The following SRRM2 variants were observed in gnomAD, a reference collection of about 807,000 sequenced individuals.
The protein encoded by SRRM2 is serine/arginine repetitive matrix 2, also known as serine/arginine repetitive matrix protein 2.
Under a neutral mutation model 213.8 loss-of-function variants are expected in SRRM2, and 30 were observed. The observed-to-expected ratio is 0.14, with a 90% CI of 0.10 to 0.19. SRRM2 has a LOEUF of 0.19. Among genes scored for constraint, SRRM2 ranks in the 10% least tolerant of loss-of-function variants. The probability of loss-of-function intolerance (pLI) is 1.00; values close to 1 mark genes in which losing one functional copy is unlikely to be tolerated. For missense variants in SRRM2, 4,904 were observed against 3,647.0 expected (o/e 1.34, Z -8.88); for synonymous variants, 2,025 against 1,377.7 (o/e 1.47, Z -10.40).
rs1353290391 is a variant in SRRM2 at position 2,769,105 on chromosome 16, C to T, written c.7842C>T (p.Ser2614=). ...KRRSSSSSSS[S]SSSSSSSSSS... The stretch of plus-strand genomic sequence containing the variant: ...GCTCTAGCAGTTCCAGTTCCAGCTC[C>T]TCCTCTTCATCTTCCTCCTCCTCCT... The change falls in exon 12 of 15, where the codon TCC becomes TCT. Residue 2614 remains serine, a synonymous_variant. Transcript: ENST00000301740. 4 of 1,613,874 alleles carry T rather than the reference C, an allele frequency of 2.5e-6. No homozygotes were observed. Among genetic ancestry groups the T allele is most frequent in the East Asian group, 2.2e-5 (1 of 44,892 alleles).
At chr16:2,756,747 G>A (rs1596262361) in intron 2 of SRRM2, 141 bp downstream of exon 2, 1 of 1,223,600 alleles carries the variant, frequency 8.2e-7, no homozygotes, top group Non-Finnish European at 1.1e-6. Flanking sequence ...GAGCTCTAGA[G>A]AAGTGAAAAC....
chr16:2,760,472 T>C lies in SRRM2; in HGVS notation c.1005T>C (p.Tyr335=), dbSNP rs376005324. The part of the protein sequence containing the change: ...ETATKQPSSP[Y]EDKDKDKKEK... ...CTACGAAACAGCCTAGCAGCCCTTA[T>C]GAAGACAAAGATAAAGACAAGAAGG... is the stretch of plus-strand genomic sequence containing the variant. Residue 335 remains tyrosine (Y), a synonymous_variant, in exon 10 of 15, where the codon TAT becomes TAC. Coordinates refer to ENST00000301740, the MANE Select transcript of SRRM2 (RefSeq NM_016333.4). 17 of 1,614,182 alleles carry C rather than the reference T, an allele frequency of 1.1e-5. No individual in the cohort carries two copies. Among genetic ancestry groups the C allele is most frequent in the East Asian group, 6.7e-5 (3 of 44,886 alleles).
rs145894053 is a variant in SRRM2, at chr16:2,763,728, A to G, written c.3200A>G (p.His1067Arg). 4 of 1,614,022 alleles carry G rather than the reference A, an allele frequency of 2.5e-6. No individual in the cohort carries two copies. The highest frequency in any genetic ancestry group is 3.3e-5 in the Admixed American group (2 of 59,996). The stretch of plus-strand genomic sequence containing the variant: ...GGACAATCTCAAACTTCACCAGACC[A>G]CAGATCTGATACTTCAAGTCCAGAA... The part of the protein sequence containing the change: ...LKGQSQTSPD[H>R]RSDTSSPEVR... Residue 1067 changes from histidine (H) to arginine (R), a missense_variant, in exon 11 of 15, where the codon CAC (histidine) becomes CGC (arginine). Physicochemically the swap from His to Arg is conservative, Grantham distance 29. Transcript: ENST00000301740.
rs1290216855 is a variant in SRRM2 at position 2,762,424 on chromosome 16, A to G, written c.1896A>G (p.Arg632=). 5.0e-6 allele frequency: 8 copies of G among 1,613,774 alleles called. No homozygotes were observed. The highest frequency in any genetic ancestry group is 1.1e-5 in the South Asian group (1 of 91,070). ...RRRSRTRSPV[R]RRSRSRSPAR... The stretch of plus-strand genomic sequence containing the variant: ...GATCTAGGACCCGATCACCAGTACG[A>G]CGCAGGTCTCGTAGTAGATCACCAG... Residue 632 remains arginine, a synonymous_variant, in exon 11 of 15, where the codon CGA becomes CGG. Transcript: ENST00000301740.
rs760180582 is a variant in SRRM2 at position 2,756,350 on chromosome 16, C to T, written c.-15C>T. On this transcript the variant is annotated 5_prime_UTR_variant, in exon 2 of 15. Coordinates refer to ENST00000301740, the MANE Select transcript of SRRM2 (RefSeq NM_016333.4). ...CCCCCTCAGGAGCGGTGGTGCCCCCCCCGGGCACGGGGCCATGTACAACGG... is the reference window on the plus strand; with the variant it reads ...CCCCCTCAGGAGCGGTGGTGCCCCCTCCGGGCACGGGGCCATGTACAACGG... 6.3e-7 allele frequency: 1 copy of T among 1,588,470 alleles called. No individual in the cohort carries two copies. The highest frequency in any genetic ancestry group is 2.3e-5 in the East Asian group (1 of 44,118).
Position 2,763,430 on chromosome 16 carries a change from A to C in SRRM2, c.2902A>C (p.Ser968Arg). Reference sequence around the variant, plus strand: ...GGAATCCAGATTGTTGCCAAGATACAGTCATTCTGGGTCCTCCTCACCAGA... The same window carrying C: ...GGAATCCAGATTGTTGCCAAGATACCGTCATTCTGGGTCCTCCTCACCAGA... ...NVESRLLPRY[S>R]HSGSSSPDTK... Residue 968 changes from serine to arginine, a missense_variant, in exon 11 of 15, where the codon AGT (serine) becomes CGT (arginine). Physicochemically the swap from Ser to Arg is moderately radical, Grantham distance 110. Coordinates refer to ENST00000301740, the MANE Select transcript of SRRM2 (RefSeq NM_016333.4). 6.2e-7 allele frequency: 1 copy of C among 1,614,256 alleles called. No homozygotes were observed. The highest frequency in any genetic ancestry group is 1.1e-5 in the South Asian group (1 of 91,086).
Position 2,756,397 on chromosome 16 carries a change from G to A in SRRM2, c.33G>A (p.Arg11=). The A allele has an allele frequency of 6.2e-7, 1 of 1,608,986 alleles. No homozygotes were observed. The highest frequency in any genetic ancestry group is 8.5e-7 in the Non-Finnish European group (1 of 1,178,306). ...ACGGGATCGGGCTGCCGACGCCCCG[G>A]GGCAGCGGCACCAACGGCTACGTCC... MYNGIGLPTP[R]GSGTNGYVQR... The change falls in exon 2 of 15, where the codon CGG becomes CGA. Residue 11 remains arginine (R), a synonymous_variant. Transcript: ENST00000301740.
Position 2,764,433 on chromosome 16 carries a change from C to T in SRRM2, c.3905C>T (p.Ala1302Val), listed in dbSNP as rs139940019. The change falls in exon 11 of 15, where the codon GCC becomes GTC. Residue 1302 changes from alanine (A) to valine (V), a missense_variant. Physicochemically the swap from Ala to Val is moderately conservative, Grantham distance 64 (BLOSUM62 0). Coordinates refer to ENST00000301740, the MANE Select transcript of SRRM2 (RefSeq NM_016333.4). ...SLEAVEVPSM[A>V]SSWGGPHFSP... ...GAAGCAGTAGAAGTCCCTTCAATGG[C>T]CTCATCTTGGGGTGGGCCACATTTT... 46 of 1,612,834 alleles carry T rather than the reference C, an allele frequency of 2.9e-5. No individual in the cohort carries two copies. Among genetic ancestry groups the T allele is most frequent in the Non-Finnish European group, 3.7e-5 (44 of 1,179,650 alleles).
Position 2,759,585 on chromosome 16 carries a change from C to G in SRRM2, c.757C>G (p.Pro253Ala). 2 of 1,614,152 alleles carry G rather than the reference C, an allele frequency of 1.2e-6. No individual in the cohort carries two copies. Among genetic ancestry groups the G allele is most frequent in the Non-Finnish European group, 1.7e-6 (2 of 1,180,024 alleles). Residue 253 changes from proline (P) to alanine (A), a missense_variant, in exon 9 of 15, where the codon CCA (proline) becomes GCA (alanine). Coordinates refer to ENST00000301740, the MANE Select transcript of SRRM2 (RefSeq NM_016333.4). ...TTCCTTCAGGTCTCGAAGTACAACACCAGCCCCCAAGAGCCGCCGGGCCCA... is the reference window on the plus strand; with the variant it reads ...TTCCTTCAGGTCTCGAAGTACAACAGCAGCCCCCAAGAGCCGCCGGGCCCA... ...KKRKRSRSTT[P>A]APKSRRAHRS...
In SRRM2 at chr16:2,766,479, C is replaced by T; in HGVS notation, c.5951C>T (p.Ser1984Phe). 6.2e-7 allele frequency: 1 copy of T among 1,614,140 alleles called. No individual in the cohort carries two copies. Residue 1984 changes from serine to phenylalanine, a missense_variant, in exon 11 of 15, where the codon TCC becomes TTC. Transcript: ENST00000301740. This position sits in a 1 kb window ranked among gnomAD's most constrained non-coding sequence, Gnocchi z 7.0. ...TSPITRRRSR[S>F]RTSPVTRRRS... Reference sequence around the variant, plus strand: ...CCTATCACTCGCAGAAGATCAAGATCCAGAACATCTCCGGTCACCCGAAGG... The same window carrying T: ...CCTATCACTCGCAGAAGATCAAGATTCAGAACATCTCCGGTCACCCGAAGG...
chr16:2,765,810 G>T lies in SRRM2; in HGVS notation c.5282G>T (p.Arg1761Leu). 7 of 1,614,048 alleles carry T rather than the reference G, an allele frequency of 4.3e-6. No homozygotes were observed. Among genetic ancestry groups the T allele is most frequent in the Non-Finnish European group, 5.9e-6 (7 of 1,180,042 alleles). ...ACTAAGACAACCTCAAGGAGAGGCC[G>T]CTCTCCTTCGCCAAAGCCTCGTGGA... ...PRTKTTSRRGRSPSPKPRGLQ... is the reference protein window; with the variant it reads ...PRTKTTSRRGLSPSPKPRGLQ... Residue 1761 changes from arginine to leucine, a missense_variant, in exon 11 of 15, where the codon CGC becomes CTC. Physicochemically the swap from Arg to Leu is moderately radical, Grantham distance 102. Coordinates refer to ENST00000301740, the MANE Select transcript of SRRM2 (RefSeq NM_016333.4).
At position 2,766,346 on chromosome 16, in the gene SRRM2, C is replaced by G. The variant is rs370638104; in HGVS notation, c.5818C>G (p.Pro1940Ala). ...VTRRRSRSRTPTTRRRSRSRT... is the reference protein window; with the variant it reads ...VTRRRSRSRTATTRRRSRSRT... ...CCGCCGTCGTTCAAGGTCTAGAACGCCAACAACACGCCGCCGCTCCCGTTC... is the reference window on the plus strand; with the variant it reads ...CCGCCGTCGTTCAAGGTCTAGAACGGCAACAACACGCCGCCGCTCCCGTTC... Residue 1940 changes from proline (P) to alanine (A), a missense_variant, in exon 11 of 15, where the codon CCA becomes GCA. By Grantham distance (27) the Pro-to-Ala change is conservative. Coordinates refer to ENST00000301740, the MANE Select transcript of SRRM2 (RefSeq NM_016333.4). This position sits in a 1 kb window ranked among gnomAD's most constrained non-coding sequence, Gnocchi z 7.0. 32 of 1,614,032 alleles carry G rather than the reference C, an allele frequency of 2.0e-5. No homozygotes were observed. Among genetic ancestry groups the G allele is most frequent in the Non-Finnish European group, 2.5e-5 (30 of 1,180,016 alleles).
rs572376986 is a variant in SRRM2, at chr16:2,762,699, C to T, written c.2171C>T (p.Ser724Phe). The change falls in exon 11 of 15, where the codon TCT (serine) becomes TTT (phenylalanine). Residue 724 changes from serine (S) to phenylalanine (F), a missense_variant. Coordinates refer to ENST00000301740, the MANE Select transcript of SRRM2 (RefSeq NM_016333.4). The part of the protein sequence containing the change: ...HSRTPQRRGR[S>F]GSSSERKNKS... The stretch of plus-strand genomic sequence containing the variant: ...AGAACACCTCAAAGAAGAGGCAGAT[C>T]TGGCTCATCTTCAGAGCGGAAAAAC... 58 of 1,614,200 alleles carry T rather than the reference C, an allele frequency of 3.6e-5. No individual in the cohort carries two copies. In the South Asian group the frequency reaches 5.7e-4, roughly 16 times the overall value.
rs761673342 is a variant in SRRM2 at position 2,771,263 on chromosome 16, G to A, written c.*396G>A. 22 of 756,730 alleles carry A rather than the reference G, an allele frequency of 2.9e-5. No homozygotes were observed. In the African/African-American group the frequency reaches 3.7e-4, roughly 13 times the overall value. The allele number at this position is 756,730 out of a possible 1,614,324, so 46.9% of individuals were successfully genotyped here. A position where few individuals can be genotyped will look rare whatever the true frequency, so the allele number is the denominator to read the frequency against. ...AAGGTGTTCTTGGAAGGAAGGGGCAGGAGTTGGAATTAGTTGGTCCCTACT... is the reference window on the plus strand; with the variant it reads ...AAGGTGTTCTTGGAAGGAAGGGGCAAGAGTTGGAATTAGTTGGTCCCTACT... On this transcript the variant is annotated 3_prime_UTR_variant, in exon 15 of 15. Transcript: ENST00000301740.
chr16:2,766,905 C>T lies in SRRM2; in HGVS notation c.6377C>T (p.Pro2126Leu), dbSNP rs1208163838. Residue 2126 changes from proline (P) to leucine (L), a missense_variant, in exon 11 of 15, where the codon CCT becomes CTT. By Grantham distance (98) the Pro-to-Leu change is moderately conservative (BLOSUM62 -3). Coordinates refer to ENST00000301740, the MANE Select transcript of SRRM2 (RefSeq NM_016333.4). This position sits in a 1 kb window ranked among gnomAD's most constrained non-coding sequence, Gnocchi z 7.0. ...CFSRPSMSPT[P>L]LDRCRSPGML... ...AGTCGTCCTAGCATGTCCCCAACAC[C>T]TCTTGATCGCTGCAGATCACCTGGA... is the stretch of plus-strand genomic sequence containing the variant. The T allele has an allele frequency of 6.2e-7, 1 of 1,614,028 alleles. No individual in the cohort carries two copies. Among genetic ancestry groups the T allele is most frequent in the African/African-American group, 1.3e-5 (1 of 74,942 alleles).
Position 2,756,323 on chromosome 16 carries a change from C to T in SRRM2, c.-31-11C>T, listed in dbSNP as rs1048174230. Reference sequence around the variant, plus strand: ...CAGGGGCCTGACCCGTGTCTCCCCGCTCCCCCTCAGGAGCGGTGGTGCCCC... The same window carrying T: ...CAGGGGCCTGACCCGTGTCTCCCCGTTCCCCCTCAGGAGCGGTGGTGCCCC... On this transcript the variant is annotated splice_polypyrimidine_tract_variant and intron_variant, in intron 1 of 14. Coordinates refer to ENST00000301740, the MANE Select transcript of SRRM2 (RefSeq NM_016333.4). 2 of 1,546,406 alleles carry T rather than the reference C, an allele frequency of 1.3e-6. No homozygotes were observed. The highest frequency in any genetic ancestry group is 1.9e-5 in the Admixed American group (1 of 51,314).
intron 1 of SRRM2, among the ~76,000 whole-genome samples, chr16:2,755,487 A>G (rs1369529250): frequency 6.6e-6 from 1 of 152,206 alleles, no homozygotes; most frequent in Non-Finnish European, 1.5e-5. Context: ...ATGTGTTTAA[A>G]TAGAGCAGAG....
chr16:2,768,079 G>C lies in SRRM2; in HGVS notation c.7551G>C (p.Gln2517His). The C allele has an allele frequency of 6.2e-7, 1 of 1,614,168 alleles. No homozygotes were observed. The highest frequency in any genetic ancestry group is 8.5e-7 in the Non-Finnish European group (1 of 1,180,018). The change falls in exon 11 of 15, where the codon CAG becomes CAC. Residue 2517 changes from glutamine to histidine, a missense_variant. By Grantham distance (24) the Gln-to-His change is conservative (BLOSUM62 0). Transcript: ENST00000301740. ...GEPPASTGAQQPSALAALQPA... is the reference protein window; with the variant it reads ...GEPPASTGAQHPSALAALQPA... ...CACCTGCCTCTACTGGGGCCCAGCA[G>C]CCTTCTGCATTAGCCGCCCTGCAGC...
rs1260515838 is a variant in SRRM2, at chr16:2,758,514, A to T, written c.560A>T (p.Gln187Leu). 2.0e-5 allele frequency: 33 copies of T among 1,613,658 alleles called. No homozygotes were observed. The highest frequency in any genetic ancestry group is 2.7e-5 in the Non-Finnish European group (32 of 1,179,758). The stretch of plus-strand genomic sequence containing the variant: ...AGTTCTCGCTCACCAACCCCAAAGC[A>T]GAAGAAGAAGAAAAAGAAGAAAGAT... ...SSSSRSPTPK[Q>L]KKKKKKKDRG... The change falls in exon 5 of 15, where the codon CAG becomes CTG. Residue 187 changes from glutamine (Q) to leucine (L), a missense_variant. By Grantham distance (113) the Gln-to-Leu change is moderately radical. Coordinates refer to ENST00000301740, the MANE Select transcript of SRRM2 (RefSeq NM_016333.4).
Sources: allele counts gnomAD v4.1 joint callset (sites outside exome capture counted in the v4.1 genomes callset), GRCh38; gene constraint gnomAD v4.1.1; non-coding constraint Gnocchi (gnomAD v3.1); transcripts MANE v1.5; gene names NCBI Gene and HGNC (gene_info 2026-07-23, HGNC 2026-07-21).